MAF: variants seen among roughly 807,000 people sequenced by gnomAD.
MAF encodes the protein MAF bZIP transcription factor.
In MAF, 10 loss-of-function variants were observed where a neutral mutation model predicts 22.0. That is an observed-to-expected ratio of 0.45 (90% CI 0.28 to 0.77). MAF has a LOEUF of 0.77. MAF is among the 30% of genes least tolerant of loss of function. MAF has a pLI of 0.12. For synonymous variants in MAF, 337 were observed against 255.8 expected (o/e 1.32, Z -3.03); for missense variants, 544 against 548.4 (o/e 0.99, Z 0.08).
the MAF span, among the ~76,000 whole-genome samples, chr16:79,479,433 GT>G: frequency 6.6e-6 from 1 of 152,202 alleles, no homozygotes; most frequent in Non-Finnish European, 1.5e-5. Context: ...CTGAGCATCC[GT>G]TTTAAGACCT....
At chr16:79,511,323 A>G in the MAF span, among the ~76,000 whole-genome samples, 1 of 152,160 alleles carries the variant, frequency 6.6e-6, no homozygotes, top group South Asian at 2.1e-4. Flanking sequence ...TATTTTTTAA[A>G]ATACTAGTAT....
At chr16:79,499,860 T>C in the MAF span, among the ~76,000 whole-genome samples, 2 of 152,260 alleles carry the variant, frequency 1.3e-5, no homozygotes, top group Non-Finnish European at 2.9e-5. Context: ...AATCTGTGAA[T>C]ATTACCTTAT....
chr16:79,293,309 A>G, the MAF span, among the ~76,000 whole-genome samples: 1 of 152,170 alleles, frequency 6.6e-6, no homozygotes, highest in Non-Finnish European at 1.5e-5. Context: ...TCTACAGAGG[A>G]TGGATTAAGG....
the MAF span, among the ~76,000 whole-genome samples, chr16:79,283,208 GAATGGATA>G: frequency 1.3e-5 from 2 of 152,214 alleles, no homozygotes; most frequent in Non-Finnish European, 2.9e-5. Context: ...ATGAATGGAT[GAATGGATA>G]GGGTTTGTGT....
chr16:79,370,804 C>T, the MAF span, among the ~76,000 whole-genome samples: 2 of 152,282 alleles, frequency 1.3e-5, no homozygotes, highest in African/African-American at 2.4e-5. Context: ...CCCAATTTCA[C>T]CCCTGCCCCC....
downstream of MAF, among the ~76,000 whole-genome samples, chr16:79,583,843 C>T (rs879385518): frequency 2.6e-5 from 4 of 152,126 alleles, no homozygotes; most frequent in Non-Finnish European, 5.9e-5. Flanking sequence ...GTAGCCAAAT[C>T]GGGTGAAAGG....
At chr16:79,349,844 A>G in the MAF span, among the ~76,000 whole-genome samples, 5 of 152,130 alleles carry the variant, frequency 3.3e-5, no homozygotes, top group Non-Finnish European at 5.9e-5. Flanking sequence ...TCTGCCTTCA[A>G]TTCCTCTCAG....
chr16:79,400,534 A>G, the MAF span, among the ~76,000 whole-genome samples: 1 of 152,248 alleles, frequency 6.6e-6, no homozygotes, highest in Non-Finnish European at 1.5e-5. Context: ...GCTCTTTGCT[A>G]TGCATCACGT....
chr16:79,323,636 C>T, the MAF span, among the ~76,000 whole-genome samples: 2 of 152,116 alleles, frequency 1.3e-5, no homozygotes, highest in South Asian at 2.1e-4. Context: ...CCGTACCTTG[C>T]GGCAAGCAGC....
the MAF span, among the ~76,000 whole-genome samples, chr16:79,352,505 A>C: frequency 6.6e-6 from 1 of 152,170 alleles, no homozygotes; most frequent in African/African-American, 2.4e-5. Flanking sequence ...CCATAAAATA[A>C]TAACAGTTAA....
the MAF span, among the ~76,000 whole-genome samples, chr16:79,575,064 C>T: frequency 6.6e-6 from 1 of 151,104 alleles, no homozygotes; most frequent in African/African-American, 2.4e-5. Flanking sequence ...GCCCCAACGG[C>T]CACTAAAGGT....
the MAF span, among the ~76,000 whole-genome samples, chr16:79,474,268 G>A: frequency 6.6e-6 from 1 of 152,132 alleles, no homozygotes; most frequent in Non-Finnish European, 1.5e-5. Flanking sequence ...TTTTGTATTC[G>A]CCTCTTTGGG....
the MAF span, among the ~76,000 whole-genome samples, chr16:79,329,182 A>T: frequency 6.6e-6 from 1 of 151,658 alleles, no homozygotes; most frequent in African/African-American, 2.4e-5. Context: ...GGTTAAAGGA[A>T]ACCTTATTTC....
the MAF span, among the ~76,000 whole-genome samples, chr16:79,573,669 A>G: frequency 6.6e-6 from 1 of 152,244 alleles, no homozygotes; most frequent in Non-Finnish European, 1.5e-5. Context: ...AAAATAATTA[A>G]AGCTTAATAA....
the MAF span, among the ~76,000 whole-genome samples, chr16:79,428,484 C>T: frequency 2.5e-4 from 38 of 151,942 alleles, no homozygotes; most frequent in Admixed American, 3.3e-4. Context: ...CAATTTGGGG[C>T]GAGGAGATAG....
the MAF span, chr16:79,203,237 A>T: frequency 6.6e-6 from 1 of 152,076 alleles, no homozygotes; most frequent in African/African-American, 2.4e-5. Context: ...TAAATGAGAC[A>T]CTCTCCACAG....
the MAF span, among the ~76,000 whole-genome samples, chr16:79,413,401 G>A: frequency 2.6e-5 from 3 of 113,678 alleles, no homozygotes; most frequent in Admixed American, 1.9e-4. Flanking sequence ...CTGCCACCTC[G>A]CCCGGCTAAT....
At chr16:79,487,684 A>G in the MAF span, among the ~76,000 whole-genome samples, 3 of 152,298 alleles carry the variant, frequency 2.0e-5, no homozygotes, top group East Asian at 5.8e-4. Flanking sequence ...GTTAATGTGA[A>G]GGGAAGGCAG....
At chr16:79,215,533 G>A in the MAF span, among the ~76,000 whole-genome samples, 18 of 152,176 alleles carry the variant, frequency 1.2e-4, no homozygotes, top group Non-Finnish European at 2.5e-4. Flanking sequence ...GAGAGGACAT[G>A]CTGGCCTCCT....
Sources: gnomAD v4.1 joint callset for allele counts (sites outside exome capture counted in the v4.1 genomes callset) on GRCh38, gnomAD v4.1.1 for gene constraint, MANE v1.5 for transcripts, NCBI Gene and HGNC (gene_info 2026-07-23, HGNC 2026-07-21) for gene names.